Variants in TMEM38A observed in about 807,000 individuals in gnomAD.
TMEM38A encodes transmembrane protein 38A.
In TMEM38A, 17 loss-of-function variants were observed where a neutral mutation model predicts 28.6. The ratio of observed to expected loss-of-function variants is 0.60; its 90% CI spans 0.41 to 0.89. TMEM38A has a LOEUF of 0.89. Among genes scored for constraint, TMEM38A ranks in the 40% least tolerant of loss-of-function variants. The pLI, the probability that TMEM38A is intolerant of heterozygous loss-of-function variation, is 0.00. For missense variants in TMEM38A, 328 were observed against 393.1 expected, an observed-to-expected ratio of 0.83 and a Z score of 1.40; for synonymous variants, 169 against 166.1, an observed-to-expected ratio of 1.02 and a Z score of -0.14.
In TMEM38A at chr19:16,671,549, G is replaced by T. The variant is rs372411193; in HGVS notation, c.125-8435G>T. Among the ~76,000 whole-genome samples the T allele has an allele frequency of 5.9e-4, 90 of 151,814 alleles. 2 individuals carry two copies. The highest frequency in any genetic ancestry group is 4.6e-3 in the Admixed American group (70 of 15,216). ...TGACAGTGAAGCAAACTAAGGCTTGGGGGGGCAGGCAGTCACTTGCCCAAG... is the reference window on the plus strand; with the variant it reads ...TGACAGTGAAGCAAACTAAGGCTTGTGGGGGCAGGCAGTCACTTGCCCAAG... On this transcript the variant is annotated intron_variant, in intron 1 of 5. Transcript: ENST00000187762.
intron 3 of TMEM38A, among the ~76,000 whole-genome samples, chr19:16,681,443 T>G (rs1224035608): frequency 6.6e-6 from 1 of 151,634 alleles, no homozygotes; most frequent in Admixed American, 6.6e-5. Context: ...AAAGCAAAAA[T>G]GGACAGAAGT....
In TMEM38A at chr19:16,680,498, G is replaced by T; in HGVS notation, c.383G>T (p.Arg128Leu). Residue 128 changes from arginine (R) to leucine (L), a missense_variant, in exon 3 of 6, where the codon CGC becomes CTC. Physicochemically the swap from Arg to Leu is moderately radical, Grantham distance 102. Coordinates refer to ENST00000187762, the MANE Select transcript of TMEM38A (RefSeq NM_024074.4). ...FVAMKEVVRV[R>L]KIAVGIHHAH... Reference sequence around the variant, plus strand: ...GCCATGAAGGAGGTGGTGCGAGTCCGCAAGATCGCGGTGGGCATCCATCAC... The same window carrying T: ...GCCATGAAGGAGGTGGTGCGAGTCCTCAAGATCGCGGTGGGCATCCATCAC... 1 of 1,614,196 alleles carries T rather than the reference G, an allele frequency of 6.2e-7. No homozygotes were observed. Among genetic ancestry groups the T allele is most frequent in the Non-Finnish European group, 8.5e-7 (1 of 1,180,044 alleles).
intron 1 of TMEM38A, among the ~76,000 whole-genome samples, chr19:16,666,229 T>A (rs898122428): frequency 7.2e-5 from 11 of 152,068 alleles, no homozygotes; most frequent in African/African-American, 2.7e-4. Flanking sequence ...TCCGCCCACC[T>A]TGGCCTCCCA....
chr19:16,687,972 C>T (rs567321285), intron 5 of TMEM38A, among the ~76,000 whole-genome samples, 172 bp from the exon 6 acceptor site: 174 of 152,200 alleles, frequency 1.1e-3, no homozygotes, highest in Non-Finnish European at 2.0e-3. Flanking sequence ...CTGAGATGGT[C>T]GCCCATCATC....
intron 4 of TMEM38A, among the ~76,000 whole-genome samples, chr19:16,685,737 A>G (rs1191279438): frequency 6.6e-6 from 1 of 152,176 alleles, no homozygotes; most frequent in East Asian, 1.9e-4. Context: ...GCAAACAAAG[A>G]CAGTCTTATC....
In TMEM38A at chr19:16,686,326, C is replaced by T. The variant is rs866829819; in HGVS notation, c.593C>T (p.Thr198Ile). Residue 198 changes from threonine (T) to isoleucine (I), a missense_variant, in exon 5 of 6, where the codon ACC (threonine) becomes ATC (isoleucine). By Grantham distance (89) the Thr-to-Ile change is moderately conservative. Transcript: ENST00000187762. The part of the protein sequence containing the change: ...KASLYGAILF[T>I]LQQTRWLPVS... Reference sequence around the variant, plus strand: ...AGCCTGTATGGAGCCATCCTCTTCACCCTCCAGCAGACCCGCTGGCTCCCA... The same window carrying T: ...AGCCTGTATGGAGCCATCCTCTTCATCCTCCAGCAGACCCGCTGGCTCCCA... 6.2e-7 allele frequency: 1 copy of T among 1,613,246 alleles called. No individual in the cohort carries two copies. Among genetic ancestry groups the T allele is most frequent in the Non-Finnish European group, 8.5e-7 (1 of 1,179,986 alleles).
intron 1 of TMEM38A, among the ~76,000 whole-genome samples, chr19:16,671,801 T>C (rs62116937): frequency 0.088 from 13,411 of 152,276 alleles, 707 homozygotes; most frequent in African/African-American, 0.14. Flanking sequence ...GCGTAACTCA[T>C]GCAAACGCTA....
intron 1 of TMEM38A, among the ~76,000 whole-genome samples, chr19:16,674,885 A>G (rs779536631): frequency 2.0e-5 from 3 of 152,094 alleles, no homozygotes; most frequent in Non-Finnish European, 4.4e-5. Flanking sequence ...TCTTGAACCC[A>G]TACAATGTGT....
In TMEM38A at chr19:16,688,463, C is replaced by G. The variant is rs1599394214; in HGVS notation, c.*92C>G. 1 of 1,052,740 alleles carries G rather than the reference C, an allele frequency of 9.5e-7. No homozygotes were observed. The highest frequency in any genetic ancestry group is 1.7e-5 in the African/African-American group (1 of 60,236). 65.2% of individuals were successfully genotyped at this position (1,052,740 alleles called of 1,614,324 possible). On this transcript the variant is annotated 3_prime_UTR_variant, in exon 6 of 6. Coordinates refer to ENST00000187762, the MANE Select transcript of TMEM38A (RefSeq NM_024074.4). ...GCGCTCAGATCTATCCTTTCCTGGC[C>G]TTGACTTCCCCATCTGCAAATCAGG...
intron 1 of TMEM38A, among the ~76,000 whole-genome samples, chr19:16,669,989 G>A (rs1297227239): frequency 2.6e-5 from 4 of 151,602 alleles, no homozygotes; most frequent in Non-Finnish European, 5.9e-5. Flanking sequence ...ATTTTTTTGA[G>A]ACAGAGTTTC....
At chr19:16,674,689 G>C (rs1460491169) in intron 1 of TMEM38A, among the ~76,000 whole-genome samples, 3 of 151,484 alleles carry the variant, frequency 2.0e-5, no homozygotes, top group Admixed American at 2.0e-4. Flanking sequence ...ATCCTAGCTA[G>C]TCGGGAGGCT....
intron 1 of TMEM38A, among the ~76,000 whole-genome samples, chr19:16,666,640 G>C (rs904317129): frequency 1.3e-5 from 2 of 152,006 alleles, no homozygotes; most frequent in Non-Finnish European, 2.9e-5. Flanking sequence ...ACTGAGCAGT[G>C]TCAATGTCAC....
At position 16,680,394 on chromosome 19, in the gene TMEM38A, A is replaced by G; in HGVS notation, c.282-3A>G. 1 of 1,613,864 alleles carries G rather than the reference A, an allele frequency of 6.2e-7. No homozygotes were observed. The highest frequency in any genetic ancestry group is 8.5e-7 in the Non-Finnish European group (1 of 1,179,888). ...CTGGCACTCACTGTTCTCTCCCCAA[A>G]AGGTACTTGATTTTCTTCTGCCCCC... On this transcript the variant is annotated splice_polypyrimidine_tract_variant and splice_region_variant and intron_variant, in intron 2 of 5. Transcript: ENST00000187762.
At chr19:16,663,088 C>G (rs2122571632) in intron 1 of TMEM38A, among the ~76,000 whole-genome samples, 1 of 151,862 alleles carries the variant, frequency 6.6e-6, no homozygotes, top group African/African-American at 2.4e-5. Flanking sequence ...CGAGACCAGC[C>G]TGGCCAACAT....
chr19:16,686,008 C>T (rs530454319), intron 4 of TMEM38A, among the ~76,000 whole-genome samples: 27 of 152,204 alleles, frequency 1.8e-4, no homozygotes, highest in African/African-American at 6.0e-4. Flanking sequence ...CCTAAAAATA[C>T]AAAAATTAGC....
chr19:16,668,972 G>T (rs1416894746), intron 1 of TMEM38A, among the ~76,000 whole-genome samples: 1 of 151,794 alleles, frequency 6.6e-6, no homozygotes, highest in Non-Finnish European at 1.5e-5. Context: ...AGGATTACAA[G>T]CATGTGCCAC....
At chr19:16,664,558 G>A (rs1329464812) in intron 1 of TMEM38A, among the ~76,000 whole-genome samples, 1 of 152,112 alleles carries the variant, frequency 6.6e-6, no homozygotes, top group Non-Finnish European at 1.5e-5. Context: ...TTGCCAGGCC[G>A]ATACAAAGTA....
chr19:16,673,245 C>G (rs1224456545), intron 1 of TMEM38A, among the ~76,000 whole-genome samples: 1 of 152,064 alleles, frequency 6.6e-6, no homozygotes, highest in South Asian at 2.1e-4. Flanking sequence ...CCATGCCTGG[C>G]TAATTTTTGT....
intron 5 of TMEM38A, among the ~76,000 whole-genome samples, chr19:16,687,192 C>T (rs528687118): frequency 6.6e-6 from 1 of 152,156 alleles, no homozygotes; most frequent in East Asian, 1.9e-4. Flanking sequence ...ATTAGCCAGG[C>T]GTGGGGTCAC....
Sources: gnomAD v4.1 joint callset for allele counts (sites outside exome capture counted in the v4.1 genomes callset) on GRCh38, gnomAD v4.1.1 for gene constraint, MANE v1.5 for transcripts, NCBI Gene and HGNC (gene_info 2026-07-23, HGNC 2026-07-21) for gene names.